EEFSEC: variants seen among roughly 807,000 people sequenced by gnomAD.
The protein encoded by EEFSEC is eukaryotic elongation factor, selenocysteine-tRNA specific.
A neutral mutation model predicts 42.1 loss-of-function variants in EEFSEC; 43 were observed. That is an observed-to-expected ratio of 1.02 (90% CI 0.80 to 1.32). The LOEUF (loss-of-function observed/expected upper bound fraction) is 1.32. Ranked by LOEUF, EEFSEC falls within the 40% of genes most tolerant of loss-of-function variation. EEFSEC has a pLI of 0.00. For synonymous variants in EEFSEC, 354 were observed against 339.1 expected, an observed-to-expected ratio of 1.04 and a Z score of -0.48; for missense variants, 745 against 803.6, an observed-to-expected ratio of 0.93 and a Z score of 0.88.
chr3:128,318,456 C>T (rs536491283), intron 4 of EEFSEC, among the ~76,000 whole-genome samples: 2 of 152,280 alleles, frequency 1.3e-5, no homozygotes, highest in South Asian at 2.1e-4. Flanking sequence ...CTGTCCCACC[C>T]GTTCCTGCTC....
At chr3:128,268,976 T>C (rs2066385136) in intron 4 of EEFSEC, among the ~76,000 whole-genome samples, 3 of 152,256 alleles carry the variant, frequency 2.0e-5, no homozygotes, top group Admixed American at 1.3e-4. Context: ...AAGTTCTTTC[T>C]GATCCTGTCA....
intron 1 of EEFSEC, among the ~76,000 whole-genome samples, chr3:128,232,425 T>C (rs1363510119): frequency 1.3e-5 from 2 of 152,214 alleles, no homozygotes; most frequent in African/African-American, 4.8e-5. Flanking sequence ...GTTTATTAAT[T>C]GAAGAATTTC....
At position 128,348,757 on chromosome 3, in the gene EEFSEC, G is replaced by A. The variant is rs1406599924; in HGVS notation, c.1443+6868G>A. On this transcript the variant is annotated intron_variant, in intron 5 of 6. Transcript: ENST00000254730. ...CTGGCAAAAATGATGTGGGGTGAAG[G>A]ATGTGTAAAAGCCGAGGCTGGAACC... 3.9e-5 allele frequency among the ~76,000 whole-genome samples: 6 copies of A among 152,294 alleles called. No individual in the cohort carries two copies. The East Asian group carries it at 7.7e-4, about 20-fold the overall frequency.
intron 1 of EEFSEC, among the ~76,000 whole-genome samples, chr3:128,200,202 T>A (rs2687733): frequency 0.42 from 64,128 of 151,730 alleles, 16,197 homozygotes; most frequent in African/African-American, 0.71. Flanking sequence ...GCTTTCACTC[T>A]GGATATATTT....
chr3:128,311,010 T>A (rs375139099), intron 4 of EEFSEC, among the ~76,000 whole-genome samples: 2 of 151,986 alleles, frequency 1.3e-5, no homozygotes, highest in East Asian at 3.9e-4. Context: ...TTAAAAGGAG[T>A]GTAGGTGAGG....
In EEFSEC at chr3:128,403,104, G is replaced by A. The variant is rs2068067121; in HGVS notation, c.1601-4965G>A. On this transcript the variant is annotated intron_variant, in intron 6 of 6. Transcript: ENST00000254730. The stretch of plus-strand genomic sequence containing the variant: ...GGGGGTCACAAAGGCCTCACCAAGA[G>A]GTGACAGTTGTACAGTGACTCGAAG... 2.0e-5 allele frequency among the ~76,000 whole-genome samples: 3 copies of A among 152,322 alleles called. No homozygotes were observed. The South Asian group carries it at 6.2e-4, about 32-fold the overall frequency.
Position 128,264,070 on chromosome 3 carries a change from A to G in EEFSEC, c.622-547A>G, listed in dbSNP as rs553057499. Among the ~76,000 whole-genome samples, 135 of 152,314 alleles carry G rather than the reference A, an allele frequency of 8.9e-4. 1 individual carries two copies. Among genetic ancestry groups the G allele is most frequent in the Admixed American group, 2.0e-3 (31 of 15,304 alleles). ...GCAGGGGAAACGTGGCCATACAGAG[A>G]AGCCTGTCCAGAGGAGGTATTGCTG... On this transcript the variant is annotated intron_variant, in intron 3 of 6. Transcript: ENST00000254730.
intron 6 of EEFSEC, among the ~76,000 whole-genome samples, chr3:128,402,996 A>G (rs112544147): frequency 2.0e-5 from 3 of 152,294 alleles, no homozygotes; most frequent in African/African-American, 7.2e-5. Context: ...CATAGAGGAC[A>G]TTAGAAGGTG....
chr3:128,237,358 CCTTT>C (rs1223152367), intron 1 of EEFSEC, among the ~76,000 whole-genome samples: 4 of 151,118 alleles, frequency 2.6e-5, no homozygotes, highest in Admixed American at 6.6e-5. Flanking sequence ...TTTTTCTCAC[CCTTT>C]CTTTCAGTAC....
At chr3:128,340,322 A>T (rs2067236297) in intron 4 of EEFSEC, among the ~76,000 whole-genome samples, 1 of 151,738 alleles carries the variant, frequency 6.6e-6, no homozygotes, top group South Asian at 2.1e-4. Context: ...TTTTCTTTAT[A>T]GCATATGTTG....
At chr3:128,345,008 T>C (rs1310117850) in intron 5 of EEFSEC, among the ~76,000 whole-genome samples, 1 of 152,234 alleles carries the variant, frequency 6.6e-6, no homozygotes, top group Non-Finnish European at 1.5e-5. Context: ...TCAGGTCATC[T>C]TGCTTGACCA....
chr3:128,171,830 A>AT (rs1001149780), intron 1 of EEFSEC, among the ~76,000 whole-genome samples: 7 of 109,080 alleles, frequency 6.4e-5, no homozygotes, highest in African/African-American at 2.6e-4. Flanking sequence ...GATTGAAAAT[A>AT]TTAAAAAAAA....
At chr3:128,312,734 G>A (rs1011673833) in intron 4 of EEFSEC, among the ~76,000 whole-genome samples, 3 of 152,254 alleles carry the variant, frequency 2.0e-5, no homozygotes, top group African/African-American at 7.2e-5. Flanking sequence ...GATTGGCAAA[G>A]GGACCTGGGC....
intron 1 of EEFSEC, among the ~76,000 whole-genome samples, chr3:128,184,700 T>C (rs1441795556): frequency 6.6e-6 from 1 of 152,256 alleles, no homozygotes; most frequent in East Asian, 1.9e-4. Flanking sequence ...CATACTGTTC[T>C]GATTCTGTTT....
chr3:128,244,793 C>T (rs1013493315), intron 1 of EEFSEC, among the ~76,000 whole-genome samples: 18 of 152,198 alleles, frequency 1.2e-4, no homozygotes, highest in Non-Finnish European at 1.9e-4. Flanking sequence ...TACACACACA[C>T]GTATACCTTA....
At chr3:128,239,625 A>T (rs2066049726) in intron 1 of EEFSEC, among the ~76,000 whole-genome samples, 1 of 152,198 alleles carries the variant, frequency 6.6e-6, no homozygotes, top group South Asian at 2.1e-4. Context: ...CCTTGATCAC[A>T]TGCCTCAGAT....
chr3:128,314,846 C>T (rs905719243), intron 4 of EEFSEC, among the ~76,000 whole-genome samples: 1 of 152,184 alleles, frequency 6.6e-6, no homozygotes, highest in Non-Finnish European at 1.5e-5. Flanking sequence ...AACCACTGCT[C>T]CAGTGGGATT....
chr3:128,367,964 T>C (rs2067609880), intron 6 of EEFSEC, among the ~76,000 whole-genome samples: 1 of 152,252 alleles, frequency 6.6e-6, no homozygotes, highest in African/African-American at 2.4e-5. Flanking sequence ...GGGAGAGCCG[T>C]GCCTCAGGAA....
intron 1 of EEFSEC, among the ~76,000 whole-genome samples, chr3:128,227,314 C>T (rs1259859324): frequency 6.6e-6 from 1 of 152,150 alleles, no homozygotes; most frequent in Non-Finnish European, 1.5e-5. Flanking sequence ...TCCCCCTACC[C>T]CCCCACTCCG....
Sources: gnomAD v4.1 joint callset for allele counts (sites outside exome capture counted in the v4.1 genomes callset) on GRCh38, gnomAD v4.1.1 for gene constraint, MANE v1.5 for transcripts, NCBI Gene and HGNC (gene_info 2026-07-23, HGNC 2026-07-21) for gene names.